UNC5C: variants seen among roughly 807,000 people sequenced by gnomAD.
The protein encoded by UNC5C is netrin receptor UNC5C.
UNC5C carries 47 observed loss-of-function variants against 99.8 expected under a neutral mutation model. That is an observed-to-expected ratio of 0.47 (90% confidence interval 0.37 to 0.60). The LOEUF is 0.60. Among genes scored for constraint, UNC5C ranks in the 20% least tolerant of loss-of-function variants. The pLI is 0.00. For synonymous variants in UNC5C, 487 were observed against 452.2 expected (o/e 1.08, Z -0.98); for missense variants, 1,062 against 1,165.9 (o/e 0.91, Z 1.30).
intron 14 of UNC5C, among the ~76,000 whole-genome samples, chr4:95,178,831 TACTC>T (rs759862600): frequency 3.9e-5 from 6 of 152,226 alleles, no homozygotes; most frequent in African/African-American, 4.8e-5. Flanking sequence ...TATCCCTGGC[TACTC>T]ACTCAGCCTA....
At chr4:95,256,206 G>A (rs1739973314) in intron 4 of UNC5C, among the ~76,000 whole-genome samples, 1 of 151,080 alleles carries the variant, frequency 6.6e-6, no homozygotes, top group Admixed American at 6.9e-5. Context: ...AGCTCATCCA[G>A]TCTCACACAG....
chr4:95,175,402 T>C (rs1207610490), intron 14 of UNC5C, among the ~76,000 whole-genome samples: 157 of 151,948 alleles, frequency 1.0e-3, no homozygotes, highest in African/African-American at 3.5e-3. Context: ...TTTCCATGTT[T>C]AGTGCTTCCT....
At chr4:95,399,492 A>G (rs1156264242) in intron 1 of UNC5C, among the ~76,000 whole-genome samples, 1 of 152,202 alleles carries the variant, frequency 6.6e-6, no homozygotes, top group Admixed American at 6.5e-5. Flanking sequence ...TGCAGTTAGG[A>G]TAAATGTAAA....
chr4:95,505,784 G>T (rs1721901118), intron 1 of UNC5C, among the ~76,000 whole-genome samples: 1 of 151,990 alleles, frequency 6.6e-6, no homozygotes. Flanking sequence ...TTAAATACAG[G>T]AGATGTTGAA....
intron 1 of UNC5C, among the ~76,000 whole-genome samples, chr4:95,378,684 G>T (rs917973631): frequency 1.3e-5 from 2 of 152,110 alleles, no homozygotes; most frequent in African/African-American, 4.8e-5. Context: ...GTATTTGATT[G>T]TTCTTTCATA....
At chr4:95,261,315 C>T (rs1458468414) in intron 4 of UNC5C, among the ~76,000 whole-genome samples, 1 of 152,182 alleles carries the variant, frequency 6.6e-6, no homozygotes, top group Non-Finnish European at 1.5e-5. Context: ...AGGACCAATA[C>T]AGGTTTACTT....
intron 4 of UNC5C, among the ~76,000 whole-genome samples, chr4:95,265,419 A>G (rs1740407717): frequency 6.6e-6 from 1 of 152,186 alleles, no homozygotes; most frequent in Non-Finnish European, 1.5e-5. Flanking sequence ...TTCTTCTTCA[A>G]TAATAAAATC....
At chr4:95,300,415 C>A (rs1741825363) in intron 3 of UNC5C, among the ~76,000 whole-genome samples, 1 of 152,182 alleles carries the variant, frequency 6.6e-6, no homozygotes, top group Non-Finnish European at 1.5e-5. Flanking sequence ...TACCTTTTAA[C>A]CTCTTCCTGA....
Position 95,397,730 on chromosome 4 carries a change from C to T in UNC5C, c.125-62099G>A, listed in dbSNP as rs554837444. Among the ~76,000 whole-genome samples, 11 of 152,154 alleles carry T rather than the reference C, an allele frequency of 7.2e-5. 1 individual carries two copies. Among genetic ancestry groups the T allele is most frequent in the Admixed American group, 3.9e-4 (6 of 15,278 alleles). Reference sequence around the variant, plus strand: ...AAATTCAATCCTTTGGACAAATGTCCGTATACTGAAAAAATAGCATCTAAG... The same window carrying T: ...AAATTCAATCCTTTGGACAAATGTCTGTATACTGAAAAAATAGCATCTAAG... On this transcript the variant is annotated intron_variant, in intron 1 of 15. Coordinates refer to ENST00000453304, the MANE Select transcript of UNC5C (RefSeq NM_003728.4).
chr4:95,391,187 C>T (rs1230710771), intron 1 of UNC5C, among the ~76,000 whole-genome samples: 1 of 152,174 alleles, frequency 6.6e-6, no homozygotes. Flanking sequence ...GTCCATTAAA[C>T]CTTTTCTTCT....
intron 12 of UNC5C, among the ~76,000 whole-genome samples, chr4:95,192,966 A>G (rs1166689637): frequency 6.6e-6 from 1 of 152,060 alleles, no homozygotes; most frequent in Non-Finnish European, 1.5e-5. Flanking sequence ...TTCCCTTTTT[A>G]GAAACCATAC....
Position 95,204,631 on chromosome 4 carries a change from G to A in UNC5C, c.1903-1667C>T, listed in dbSNP as rs545881627. Among the ~76,000 whole-genome samples, 9 of 152,210 alleles carry A rather than the reference G, an allele frequency of 5.9e-5. No individual in the cohort carries two copies. The South Asian group carries it at 1.0e-3, about 17-fold the overall frequency. On this transcript the variant is annotated intron_variant, in intron 11 of 15. Coordinates refer to ENST00000453304, the MANE Select transcript of UNC5C (RefSeq NM_003728.4). The stretch of plus-strand genomic sequence containing the variant: ...AAAATCTCAGGCAGGAGAAATCCAC[G>A]CGTGAGCATGAGTCAGTCTCTGCAC...
intron 1 of UNC5C, among the ~76,000 whole-genome samples, chr4:95,509,321 T>G (rs1722004626): frequency 6.6e-6 from 1 of 151,780 alleles, no homozygotes; most frequent in Non-Finnish European, 1.5e-5. Context: ...CAGACTAAAG[T>G]TTTGATTCCT....
chr4:95,246,579 T>C (rs1011908114), intron 5 of UNC5C, among the ~76,000 whole-genome samples: 3 of 151,910 alleles, frequency 2.0e-5, no homozygotes, highest in Admixed American at 2.0e-4. Context: ...AAATAATACA[T>C]GAATGTTTCA....
rs1735828041 is a variant in UNC5C at position 95,165,577 on chromosome 4, G to C, written c.*3657C>G. The C allele has an allele frequency of 6.6e-6, 1 of 152,134 alleles. No homozygotes were observed. The highest frequency in any genetic ancestry group is 2.1e-4 in the South Asian group (1 of 4,826). The allele number at this position is 152,134 out of a possible 1,614,324, so 9.4% of individuals were successfully genotyped here. The stretch of plus-strand genomic sequence containing the variant: ...ACATTAAGGAAACTTGAAAGAGTGT[G>C]ATAAGAAGAAAATAAAAACAGGATG... On this transcript the variant is annotated 3_prime_UTR_variant, in exon 16 of 16. Coordinates refer to ENST00000453304, the MANE Select transcript of UNC5C (RefSeq NM_003728.4).
intron 12 of UNC5C, among the ~76,000 whole-genome samples, chr4:95,197,156 TTATC>T (rs1027117849): frequency 2.1e-5 from 3 of 144,032 alleles, no homozygotes; most frequent in Non-Finnish European, 4.5e-5. Flanking sequence ...AATAAATGTA[TTATC>T]TATCCACATG....
intron 3 of UNC5C, among the ~76,000 whole-genome samples, chr4:95,292,236 CATATATATAT>C (rs71583696): frequency 0.049 from 4,318 of 88,712 alleles, 82 homozygotes; most frequent in Non-Finnish European, 0.067. Flanking sequence ...CACACACACA[CATATATATAT>C]ATATATATAT....
intron 1 of UNC5C, among the ~76,000 whole-genome samples, chr4:95,500,135 C>T (rs1721741685): frequency 6.6e-6 from 1 of 152,052 alleles, no homozygotes; most frequent in Non-Finnish European, 1.5e-5. Context: ...AGTCCTATAA[C>T]ACCCAGTTCA....
chr4:95,330,484 G>A (rs990921429), intron 2 of UNC5C, among the ~76,000 whole-genome samples: 2 of 151,746 alleles, frequency 1.3e-5, no homozygotes, highest in Non-Finnish European at 2.9e-5. Flanking sequence ...ATACCTACAT[G>A]TTTTCTTTTA....
Sources: allele counts gnomAD v4.1 joint callset (sites outside exome capture counted in the v4.1 genomes callset), GRCh38; gene constraint gnomAD v4.1.1; transcripts MANE v1.5; gene names NCBI Gene and HGNC (gene_info 2026-07-23, HGNC 2026-07-21).